The following COL27A1 variants were observed in gnomAD, a reference collection of about 807,000 sequenced individuals.
The protein encoded by COL27A1 is collagen type XXVII alpha 1 chain, also known as collagen alpha-1(XXVII) chain.
In COL27A1, 106 loss-of-function variants were observed where a neutral mutation model predicts 251.3. The observed-to-expected ratio is 0.42, with a 90% CI of 0.36 to 0.50. The LOEUF (loss-of-function observed/expected upper bound fraction) is 0.50. Ranked by LOEUF, COL27A1 falls within the 20% of genes least tolerant of loss-of-function variation. The pLI, the probability that COL27A1 is intolerant of heterozygous loss-of-function variation, is 0.00. For synonymous variants in COL27A1, 1,000 were observed against 986.3 expected, an observed-to-expected ratio of 1.01 and a Z score of -0.26; for missense variants, 2,325 against 2,522.8, an observed-to-expected ratio of 0.92 and a Z score of 1.68.
chr9:114,296,957 T>C (rs960476447), intron 49 of COL27A1, among the ~76,000 whole-genome samples: 1 of 152,192 alleles, frequency 6.6e-6, no homozygotes, highest in Non-Finnish European at 1.5e-5. Context: ...TAAAAAATAG[T>C]ATAGACTGTG....
chr9:114,267,353 T>C, intron 33 of COL27A1, 151 bp from the exon 34 acceptor site: 1 of 602,154 alleles, frequency 1.7e-6, no homozygotes, highest in Non-Finnish European at 2.8e-6. Flanking sequence ...AGCTCCAAGC[T>C]CCAAGAAGCT....
chr9:114,240,328 C>A lies in COL27A1; in HGVS notation c.2781+55C>A. 1.9e-6 allele frequency: 3 copies of A among 1,581,780 alleles called. No individual in the cohort carries two copies. The South Asian group carries it at 3.5e-5, about 18-fold the overall frequency. On this transcript the variant is annotated intron_variant, in intron 20 of 60. Transcript: ENST00000356083. Reference sequence around the variant, plus strand: ...GGAGGAGCAGACAGCTCTGCAGAAACCACAGGGGCTGGCTGCCTGGCTTGG... The same window carrying A: ...GGAGGAGCAGACAGCTCTGCAGAAAACACAGGGGCTGGCTGCCTGGCTTGG...
At chr9:114,293,339 A>G (rs779297963) in intron 49 of COL27A1, among the ~76,000 whole-genome samples, 1 of 152,244 alleles carries the variant, frequency 6.6e-6, no homozygotes, top group Non-Finnish European at 1.5e-5. Flanking sequence ...TTTGAATTGA[A>G]TGAAAGTAAA....
intron 7 of COL27A1, among the ~76,000 whole-genome samples, chr9:114,198,617 C>T (rs1455519805): frequency 6.6e-6 from 1 of 152,192 alleles, no homozygotes; most frequent in African/African-American, 2.4e-5. Context: ...GTCTTCTGAC[C>T]CTCAGGCCCT....
chr9:114,310,666 C>T lies in COL27A1; in HGVS notation c.5554C>T (p.Leu1852=). Residue 1852 remains leucine, a synonymous_variant, in exon 61 of 61, where the codon CTG becomes TTG. Coordinates refer to ENST00000356083, the MANE Select transcript of COL27A1 (RefSeq NM_032888.4). ...TGCCTCATCAGGGAAGCAGTACCGC[C>T]TGGAAGTTGGACCTGCGTGCTTCCT... ...PPASSGKQYR[L]EVGPACFL is the part of the protein sequence containing the mutation. The T allele has an allele frequency of 1.9e-6, 3 of 1,614,202 alleles. No homozygotes were observed. The highest frequency in any genetic ancestry group is 1.1e-5 in the South Asian group (1 of 91,084).
At chr9:114,197,638 C>T (rs1829244821) in intron 7 of COL27A1, among the ~76,000 whole-genome samples, 1 of 152,172 alleles carries the variant, frequency 6.6e-6, no homozygotes, top group East Asian at 1.9e-4. Flanking sequence ...CCCTGGGGTG[C>T]CAGGGCTCCT....
Position 114,290,150 on chromosome 9 carries a change from G to GGCCCCCCCCCCCACCCC in COL27A1, c.4260+39_4260+40insGCCCCCCCCCCCACCCC. 1 of 1,593,546 alleles carries GGCCCCCCCCCCCACCCC rather than the reference G, an allele frequency of 6.3e-7. No homozygotes were observed. The highest frequency in any genetic ancestry group is 8.6e-7 in the Non-Finnish European group (1 of 1,165,410). ...GCTGCTGTTTCCAGCCAACCTCCCT[G>GGCCCCCCCCCCCACCCC]CCCGCCCCCCACACCCGCCCTCCTC... On this transcript the variant is annotated intron_variant, in intron 46 of 60. Transcript: ENST00000356083. The surrounding 1 kb of genome is among the most constrained non-coding windows in gnomAD (Gnocchi z 4.6).
chr9:114,283,567 G>A (rs969673420), intron 39 of COL27A1, 142 bp from the exon 40 acceptor site: 53 of 695,740 alleles, frequency 7.6e-5, no homozygotes, highest in African/African-American at 6.5e-4. Context: ...CTGGCTTTCC[G>A]CCTTGTTCAC....
intron 22 of COL27A1, 101 bp downstream of exon 22, chr9:114,242,332 G>A: frequency 9.5e-7 from 1 of 1,049,092 alleles, no homozygotes; most frequent in Non-Finnish European, 1.4e-6. Flanking sequence ...GAAGTCATCA[G>A]TGAGGGCCTT....
intron 12 of COL27A1, among the ~76,000 whole-genome samples, chr9:114,219,128 G>T (rs1335919159): frequency 6.6e-6 from 1 of 152,142 alleles, no homozygotes; most frequent in Admixed American, 6.5e-5. Flanking sequence ...TTTTCCAGCT[G>T]CCTATCTCCC....
chr9:114,275,810 A>T (rs1363397027), intron 37 of COL27A1, 42 bp downstream of exon 37: 4 of 1,336,744 alleles, frequency 3.0e-6, no homozygotes, highest in Non-Finnish European at 4.1e-6. Context: ...GCTCTGGGGT[A>T]CCCTGAACTC....
At chr9:114,157,106 A>ACACACACGCGCG (rs142812937) in intron 1 of COL27A1, among the ~76,000 whole-genome samples, 2 of 147,844 alleles carry the variant, frequency 1.4e-5, no homozygotes, top group South Asian at 2.2e-4. Context: ...ACACACACAT[A>ACACACACGCGCG]CGCGCGCGCG....
At chr9:114,253,370 GACGA>G (rs1379403271) in intron 27 of COL27A1, among the ~76,000 whole-genome samples, 34 of 100,968 alleles carry the variant, frequency 3.4e-4, no homozygotes, top group African/African-American at 1.3e-3. Flanking sequence ...AAGAAAGAAA[GACGA>G]AAGAAAGAAA....
At position 114,283,775 on chromosome 9, in the gene COL27A1, C is replaced by T. The variant is rs756216301; in HGVS notation, c.3933+13C>T. ...GGCTGGTTATGATGTAAGCAGATAT[C>T]ACCTCACCCCACCCCCCGACTCTGT... On this transcript the variant is annotated intron_variant, in intron 40 of 60. Coordinates refer to ENST00000356083, the MANE Select transcript of COL27A1 (RefSeq NM_032888.4). 8 of 1,613,478 alleles carry T rather than the reference C, an allele frequency of 5.0e-6. No homozygotes were observed. In the African/African-American group the frequency reaches 1.1e-4, roughly 22 times the overall value.
chr9:114,241,843 C>T (rs1159718718), intron 21 of COL27A1, among the ~76,000 whole-genome samples: 1 of 152,240 alleles, frequency 6.6e-6, no homozygotes, highest in African/African-American at 2.4e-5. Context: ...AGGCTGAGGT[C>T]TGCCAGTGAG....
intron 19 of COL27A1, 128 bp downstream of exon 19, chr9:114,237,843 A>C: frequency 1.4e-6 from 1 of 726,340 alleles, no homozygotes; most frequent in Non-Finnish European, 2.5e-6. Context: ...TGAGGCTGAG[A>C]GGAGAAACTC....
intron 33 of COL27A1, among the ~76,000 whole-genome samples, chr9:114,267,274 A>C (rs544180653): frequency 8.3e-4 from 127 of 152,284 alleles, no homozygotes; most frequent in Middle Eastern, 3.4e-3. Flanking sequence ...GGGCGGGAGA[A>C]GGCTCTAGAA....
intron 39 of COL27A1, among the ~76,000 whole-genome samples, chr9:114,283,432 C>T (rs931084887): frequency 6.6e-6 from 1 of 151,642 alleles, no homozygotes; most frequent in South Asian, 2.1e-4. Flanking sequence ...TTGTTAATAA[C>T]GGCTCTGTTT....
At chr9:114,282,982 G>T (rs558012069) in intron 39 of COL27A1, among the ~76,000 whole-genome samples, 1 of 152,348 alleles carries the variant, frequency 6.6e-6, no homozygotes, top group Non-Finnish European at 1.5e-5. Flanking sequence ...ATGACTCTGA[G>T]GGTGTCCCAG....
Sources: allele counts gnomAD v4.1 joint callset (sites outside exome capture counted in the v4.1 genomes callset), GRCh38; gene constraint gnomAD v4.1.1; non-coding constraint Gnocchi (gnomAD v3.1); transcripts MANE v1.5; gene names NCBI Gene and HGNC (gene_info 2026-07-23, HGNC 2026-07-21).